Variants in TMEM185A observed in about 807,000 individuals in gnomAD.
The protein encoded by TMEM185A is family with sequence similarity 11, member A.
Under a neutral mutation model 25.0 loss-of-function variants are expected in TMEM185A, and 9 were observed. That is an observed-to-expected ratio of 0.36 (90% CI 0.22 to 0.63). The LOEUF is 0.63. Ranked by LOEUF, TMEM185A falls within the 20% of genes least tolerant of loss-of-function variation. TMEM185A has a pLI of 0.68. For missense variants in TMEM185A, 103 were observed against 237.4 expected (o/e 0.43, Z 3.72); for synonymous variants, 45 against 93.5 (o/e 0.48, Z 2.99).
At chrX:149,609,462 C>A (rs1244336897) in intron 2 of TMEM185A, among the ~76,000 whole-genome samples, 1 of 112,566 alleles carries the variant, frequency 8.9e-6, no homozygotes, top group Non-Finnish European at 1.9e-5. Flanking sequence ...GAAAGAAGAA[C>A]AAGAGTTAAA....
At chrX:149,602,685 C>G (rs1445892852) in intron 4 of TMEM185A, among the ~76,000 whole-genome samples, 2 of 112,107 alleles carry the variant, frequency 1.8e-5, no homozygotes, top group Admixed American at 9.4e-5. Context: ...AATTACTAAT[C>G]TTTTTTTTCC....
Position 149,627,115 on chromosome X carries a change from G to A in TMEM185A, c.38+4428C>T, listed in dbSNP as rs376648754. On this transcript the variant is annotated intron_variant, in intron 1 of 6. Transcript: ENST00000600449. ...GGGTGTCGGGCTGGGGGGTGGTAAGGTCTTTCCTTTCCCACAAGGCCATAT... is the reference window on the plus strand; with the variant it reads ...GGGTGTCGGGCTGGGGGGTGGTAAGATCTTTCCTTTCCCACAAGGCCATAT... Among the ~76,000 whole-genome samples, 16 of 111,610 alleles carry A rather than the reference G, an allele frequency of 1.4e-4. No homozygotes were observed. The East Asian group carries it at 4.2e-3, about 30-fold the overall frequency.
At position 149,608,817 on chromosome X, in the gene TMEM185A, C is replaced by T. The variant is rs2090066654; in HGVS notation, c.233G>A (p.Cys78Tyr). 1.7e-6 allele frequency: 2 copies of T among 1,210,988 alleles called. No homozygotes were observed. The highest frequency in any genetic ancestry group is 2.2e-6 in the Non-Finnish European group (2 of 894,965). The change falls in exon 3 of 7, where the codon TGT (cysteine) becomes TAT (tyrosine). Residue 78 changes from cysteine to tyrosine, a missense_variant. Physicochemically the swap from Cys to Tyr is radical, Grantham distance 194. Around this residue, in one of 2 missense-constraint regions of TMEM185A, gnomAD observed 102 missense variants for 125.7 expected, o/e 0.81. Transcript: ENST00000600449. Reference protein sequence around the residue: ...NPQYRAEGETCVEFKAMLIAV... With the variant: ...NPQYRAEGETYVEFKAMLIAV... The stretch of plus-strand genomic sequence containing the variant: ...AATCAACATGGCTTTAAACTCCACA[C>T]ACGTTTCTCCTTCTGCTCTAAAAAA...
chrX:149,604,694 T>C (rs781782883), intron 3 of TMEM185A, among the ~76,000 whole-genome samples: 34 of 111,444 alleles, frequency 3.1e-4, no homozygotes, highest in Non-Finnish European at 4.7e-4. Context: ...CAGTAATGAA[T>C]ATGCAAGCCC....
At chrX:149,602,778 T>C (rs1216809803) in intron 4 of TMEM185A, among the ~76,000 whole-genome samples, 1 of 112,442 alleles carries the variant, frequency 8.9e-6, no homozygotes, top group Non-Finnish European at 1.9e-5. Flanking sequence ...TTGAACCCAA[T>C]GACCATTCTC....
chrX:149,610,329 G>C (rs1260385863), intron 2 of TMEM185A, among the ~76,000 whole-genome samples: 2 of 102,988 alleles, frequency 1.9e-5, no homozygotes, highest in Non-Finnish European at 3.9e-5. Context: ...TCAGGAGGCC[G>C]AGGCAGGAGA....
At chrX:149,611,228 A>G (rs782141303) in intron 2 of TMEM185A, 59 bp downstream of exon 2, 3 of 1,080,754 alleles carry the variant, frequency 2.8e-6, no homozygotes, top group Non-Finnish European at 3.7e-6. Context: ...AAAAGTGAGA[A>G]AAGTCAAGAT....
At chrX:149,610,435 A>C (rs2090076772) in intron 2 of TMEM185A, among the ~76,000 whole-genome samples, 1 of 100,858 alleles carries the variant, frequency 9.9e-6, no homozygotes, top group African/African-American at 3.7e-5. Context: ...TCTCAAAAAA[A>C]AAAAAAAAAA....
At chrX:149,609,952 CACAT>C (rs1370760432) in intron 2 of TMEM185A, among the ~76,000 whole-genome samples, 15 of 111,296 alleles carry the variant, frequency 1.3e-4, no homozygotes, top group African/African-American at 3.3e-4. Flanking sequence ...AAAAATAAAA[CACAT>C]ACAGCCACAC....
chrX:149,612,213 AG>A (rs1311093861), intron 1 of TMEM185A, among the ~76,000 whole-genome samples: 2 of 112,307 alleles, frequency 1.8e-5, no homozygotes, highest in African/African-American at 6.5e-5. Flanking sequence ...ACAAAAGAAC[AG>A]TTTTCAGACA....
At chrX:149,616,366 C>A (rs1557355033) in intron 1 of TMEM185A, among the ~76,000 whole-genome samples, 2 of 111,995 alleles carry the variant, frequency 1.8e-5, no homozygotes, top group Non-Finnish European at 3.8e-5. Context: ...AAGGGTTTCA[C>A]TGGGCTAAAA....
chrX:149,613,688 G>A (rs1381361454), intron 1 of TMEM185A, among the ~76,000 whole-genome samples: 1 of 112,247 alleles, frequency 8.9e-6, no homozygotes, highest in Non-Finnish European at 1.9e-5. Flanking sequence ...CAGCAGAAAC[G>A]AATGCTAATA....
chrX:149,627,241 G>A lies in TMEM185A; in HGVS notation c.38+4302C>T, dbSNP rs781856693. 7.1e-5 allele frequency among the ~76,000 whole-genome samples: 8 copies of A among 112,507 alleles called. No individual in the cohort carries two copies. In the South Asian group the frequency reaches 3.0e-3, roughly 42 times the overall value. Reference sequence around the variant, plus strand: ...CAGTGCACTGTGTCCCTGGTTAATCGAGAATGGAGAATGGCGATGACTTTT... The same window carrying A: ...CAGTGCACTGTGTCCCTGGTTAATCAAGAATGGAGAATGGCGATGACTTTT... On this transcript the variant is annotated intron_variant, in intron 1 of 6. Coordinates refer to ENST00000600449, the MANE Select transcript of TMEM185A (RefSeq NM_032508.4).
chrX:149,610,563 C>A (rs2090077814), intron 2 of TMEM185A, among the ~76,000 whole-genome samples: 1 of 108,846 alleles, frequency 9.2e-6, no homozygotes, highest in African/African-American at 3.3e-5. Flanking sequence ...GCCTCCCAGT[C>A]TTAAGTCCCC....
At chrX:149,616,236 C>G (rs1480518504) in intron 1 of TMEM185A, among the ~76,000 whole-genome samples, 1 of 111,992 alleles carries the variant, frequency 8.9e-6, no homozygotes, top group Non-Finnish European at 1.9e-5. Context: ...ATAGAACACT[C>G]AATACTGTTA....
chrX:149,608,768 C>G lies in TMEM185A; in HGVS notation c.282G>C (p.Leu94Phe). 1 of 1,211,693 alleles carries G rather than the reference C, an allele frequency of 8.3e-7. No homozygotes were observed. Among genetic ancestry groups the G allele is most frequent in the Non-Finnish European group, 1.1e-6 (1 of 895,460 alleles). The change falls in exon 3 of 7, where the codon TTG becomes TTC. Residue 94 changes from leucine (L) to phenylalanine (F), a missense_variant. Physicochemically the swap from Leu to Phe is conservative, Grantham distance 22 (BLOSUM62 0). This residue lies in a region of TMEM185A where 102 missense variants were observed against 125.7 expected (regional missense o/e 0.81). Transcript: ENST00000600449. ...CACAGACCAGAACTTCAAACATCAA[C>G]AAGAGCAAGTGGATGCCCACTGCAA... ...MLIAVGIHLL[L>F]LMFEVLVCDR...
intron 1 of TMEM185A, among the ~76,000 whole-genome samples, chrX:149,624,522 T>C (rs782684947): frequency 9.0e-6 from 1 of 111,711 alleles, no homozygotes; most frequent in Non-Finnish European, 1.9e-5. Flanking sequence ...CTGGAGCACA[T>C]ACACGCGCAT....
At chrX:149,605,366 T>C (rs2090043289) in intron 3 of TMEM185A, among the ~76,000 whole-genome samples, 1 of 95,284 alleles carries the variant, frequency 1.0e-5, no homozygotes, top group South Asian at 5.6e-4. Context: ...TGGCCTCCCA[T>C]GTCACTTTCT....
chrX:149,620,332 G>A (rs992749241), intron 1 of TMEM185A, among the ~76,000 whole-genome samples: 12 of 112,061 alleles, frequency 1.1e-4, no homozygotes, highest in African/African-American at 1.9e-4. Context: ...AGGCACACAC[G>A]TTTTTCCTTG....
Sources: allele counts gnomAD v4.1 joint callset (sites outside exome capture counted in the v4.1 genomes callset), GRCh38; gene constraint gnomAD v4.1.1; regional missense constraint gnomAD v4.1.1; transcripts MANE v1.5; gene names NCBI Gene and HGNC (gene_info 2026-07-23, HGNC 2026-07-21).